PLEKHA7: variants seen among roughly 807,000 people sequenced by gnomAD.
PLEKHA7 encodes pleckstrin homology domain containing A7.
PLEKHA7 carries 104 observed loss-of-function variants against 170.0 expected under a neutral mutation model. The ratio of observed to expected loss-of-function variants is 0.61; its 90% CI spans 0.52 to 0.72. The LOEUF (loss-of-function observed/expected upper bound fraction) is 0.72, where lower values mean the gene tolerates loss of function less well. Among genes scored for constraint, PLEKHA7 ranks in the 30% least tolerant of loss-of-function variants. The pLI is 0.00. For missense variants in PLEKHA7, 1,615 were observed against 1,671.7 expected, an observed-to-expected ratio of 0.97 and a Z score of 0.59; for synonymous variants, 648 against 660.8, an observed-to-expected ratio of 0.98 and a Z score of 0.30.
At chr11:17,000,455 T>C (rs1864598472) in intron 3 of PLEKHA7, among the ~76,000 whole-genome samples, 1 of 152,134 alleles carries the variant, frequency 6.6e-6, no homozygotes, top group Non-Finnish European at 1.5e-5. Flanking sequence ...AGATGAGAAA[T>C]AGTTTCTTTG....
chr11:16,841,269 C>T (rs1231979149), intron 9 of PLEKHA7, among the ~76,000 whole-genome samples: 1 of 152,164 alleles, frequency 6.6e-6, no homozygotes, highest in African/African-American at 2.4e-5. Context: ...TCTTGCCTGT[C>T]CTCTCCCTAC....
intron 4 of PLEKHA7, among the ~76,000 whole-genome samples, chr11:16,869,442 G>T (rs1465227036): frequency 6.6e-6 from 1 of 152,220 alleles, no homozygotes; most frequent in Non-Finnish European, 1.5e-5. Context: ...TGGGTCTCAG[G>T]TTCTTCATCT....
intron 17 of PLEKHA7, among the ~76,000 whole-genome samples, chr11:16,799,917 G>A (rs1457126540): frequency 1.3e-5 from 2 of 152,164 alleles, no homozygotes; most frequent in Admixed American, 1.3e-4. Context: ...TGAATAGAGG[G>A]ACAGCAGGGC....
intron 3 of PLEKHA7, among the ~76,000 whole-genome samples, chr11:16,986,614 A>G (rs1283283595): frequency 6.6e-6 from 1 of 152,174 alleles, no homozygotes; most frequent in African/African-American, 2.4e-5. Context: ...TTTCACTTTG[A>G]GCACACAAGT....
At chr11:16,949,089 C>A (rs994928039) in intron 3 of PLEKHA7, among the ~76,000 whole-genome samples, 1 of 152,160 alleles carries the variant, frequency 6.6e-6, no homozygotes, top group Admixed American at 6.5e-5. Context: ...CATGTTGACT[C>A]CATCCCCCAG....
intron 9 of PLEKHA7, among the ~76,000 whole-genome samples, chr11:16,838,810 C>A (rs2135211662): frequency 6.6e-6 from 1 of 151,218 alleles, no homozygotes; most frequent in East Asian, 2.0e-4. Context: ...CCTCAGCCTC[C>A]CGAGTAGCTG....
At chr11:16,855,754 G>C (rs371224242) in intron 5 of PLEKHA7, 49 bp downstream of exon 5, 24 of 1,412,342 alleles carry the variant, frequency 1.7e-5, no homozygotes, top group Non-Finnish European at 2.4e-5. Context: ...AAAGGGGCTT[G>C]GCAAAATATA....
chr11:16,909,454 G>A (rs990405771), intron 3 of PLEKHA7, among the ~76,000 whole-genome samples: 3 of 152,210 alleles, frequency 2.0e-5, no homozygotes, highest in African/African-American at 7.2e-5. Context: ...CACAGGGCCT[G>A]CATGGCAACA....
chr11:16,977,625 C>G (rs994410920), intron 3 of PLEKHA7, among the ~76,000 whole-genome samples: 2 of 152,098 alleles, frequency 1.3e-5, no homozygotes, highest in African/African-American at 4.8e-5. Flanking sequence ...AAATAAATAC[C>G]TAGCTGGTTA....
At chr11:16,858,574 C>T (rs866280672) in intron 4 of PLEKHA7, among the ~76,000 whole-genome samples, 12 of 151,584 alleles carry the variant, frequency 7.9e-5, no homozygotes, top group Middle Eastern at 6.8e-3. Context: ...CTCACTGCAA[C>T]CTCCGCCTCC....
At chr11:16,952,737 A>T (rs1565149948) in intron 3 of PLEKHA7, among the ~76,000 whole-genome samples, 2 of 152,220 alleles carry the variant, frequency 1.3e-5, no homozygotes. Flanking sequence ...TCTGAAATCT[A>T]AAATGTTTCA....
chr11:16,933,541 C>T (rs1360948871), intron 3 of PLEKHA7, among the ~76,000 whole-genome samples: 8 of 152,178 alleles, frequency 5.3e-5, no homozygotes, highest in Non-Finnish European at 2.9e-5. Flanking sequence ...ACAAGACTTC[C>T]AGCGTTTTGG....
chr11:16,999,206 C>G (rs766641814), intron 3 of PLEKHA7, among the ~76,000 whole-genome samples: 1 of 152,042 alleles, frequency 6.6e-6, no homozygotes. Flanking sequence ...TCATCACTGC[C>G]ACTGTCTGCC....
chr11:16,862,874 T>G (rs117020471), intron 4 of PLEKHA7, among the ~76,000 whole-genome samples: 3,041 of 152,314 alleles, frequency 0.02, 44 homozygotes, highest in Non-Finnish European at 0.033. Flanking sequence ...CTCATTTTTC[T>G]GCTACCATGG....
intron 3 of PLEKHA7, among the ~76,000 whole-genome samples, chr11:16,943,105 T>C (rs1463442383): frequency 6.6e-6 from 1 of 152,220 alleles, no homozygotes; most frequent in Non-Finnish European, 1.5e-5. Context: ...CAGTATCTGA[T>C]GAAATATAAT....
At chr11:16,875,306 A>G (rs1258725804) in intron 3 of PLEKHA7, among the ~76,000 whole-genome samples, 1 of 152,162 alleles carries the variant, frequency 6.6e-6, no homozygotes, top group Admixed American at 6.5e-5. Flanking sequence ...CATGTTAAAC[A>G]TAAGGAAACT....
rs2136765547 is a variant in PLEKHA7, at chr11:16,975,086, T to C, written c.221+38903A>G. The C allele has an allele frequency of 4.6e-6, 3 of 645,438 alleles. 1 individual carries two copies. The highest frequency in any genetic ancestry group is 7.4e-5 in the East Asian group (1 of 13,554). The allele number at this position is 645,438 out of a possible 1,614,324, so 40.0% of individuals were successfully genotyped here. On this transcript the variant is annotated intron_variant, in intron 3 of 26. Coordinates refer to ENST00000531066, the MANE Select transcript of PLEKHA7 (RefSeq NM_001329630.2). ...TACTATGTATATATGTACAGTTCTA[T>C]GAGATTTCATCACATGCATACATTC...
chr11:16,844,656 G>A (rs1852239915), intron 8 of PLEKHA7, among the ~76,000 whole-genome samples: 2 of 152,350 alleles, frequency 1.3e-5, no homozygotes, highest in Admixed American at 6.5e-5. Flanking sequence ...AAATCAGGAT[G>A]TGAATGAAGA....
At chr11:16,966,836 G>A (rs920464815) in intron 3 of PLEKHA7, among the ~76,000 whole-genome samples, 3 of 151,950 alleles carry the variant, frequency 2.0e-5, no homozygotes, top group South Asian at 2.1e-4. Flanking sequence ...TATTGCTGTC[G>A]TCCACCTGGA....
Sources: gnomAD v4.1 joint callset for allele counts (sites outside exome capture counted in the v4.1 genomes callset) on GRCh38, gnomAD v4.1.1 for gene constraint, MANE v1.5 for transcripts, NCBI Gene and HGNC (gene_info 2026-07-23, HGNC 2026-07-21) for gene names.